The following SESTD1 variants were observed in gnomAD, a reference collection of about 807,000 sequenced individuals.
The protein encoded by SESTD1 is SEC14 domain and spectrin repeat-containing protein 1.
In SESTD1, 43 loss-of-function variants were observed where a neutral mutation model predicts 101.7. That is an observed-to-expected ratio of 0.42 (90% CI 0.33 to 0.55). The LOEUF is 0.55. Among genes scored for constraint, SESTD1 ranks in the 20% least tolerant of loss-of-function variants. SESTD1 has a pLI of 0.07. For missense variants in SESTD1, 647 were observed against 815.1 expected (o/e 0.79, Z 2.51); for synonymous variants, 283 against 286.8 (o/e 0.99, Z 0.13).
Position 179,216,231 on chromosome 2 carries a change from G to A in SESTD1, c.-25-24365C>T, listed in dbSNP as rs2046718090. Among the ~76,000 whole-genome samples the A allele has an allele frequency of 1.5e-5, 2 of 135,088 alleles. 1 individual carries two copies. The highest frequency in any genetic ancestry group is 1.4e-4 in the Admixed American group (2 of 13,948). 88.6% of individuals were successfully genotyped at this position (135,088 alleles called of 152,430 possible). A position where few individuals can be genotyped will look rare whatever the true frequency, so the allele number is the denominator to read the frequency against. On this transcript the variant is annotated intron_variant, in intron 1 of 17. Transcript: ENST00000428443. ...TGCAGATGACATGATTGTGTATTTAGAAAACCCCACTGTCTCAGCCCAAAA... is the reference window on the plus strand; with the variant it reads ...TGCAGATGACATGATTGTGTATTTAAAAAACCCCACTGTCTCAGCCCAAAA...
At chr2:179,140,589 A>C (rs1293574862) in intron 9 of SESTD1, among the ~76,000 whole-genome samples, 1 of 152,220 alleles carries the variant, frequency 6.6e-6, no homozygotes, top group Non-Finnish European at 1.5e-5. Context: ...CAGCCCTCGC[A>C]AAGCAATACA....
At chr2:179,181,777 T>C (rs2046116686) in intron 3 of SESTD1, among the ~76,000 whole-genome samples, 1 of 152,122 alleles carries the variant, frequency 6.6e-6, no homozygotes, top group Non-Finnish European at 1.5e-5. Flanking sequence ...ATTTGTAAGC[T>C]ATAAGTCTGG....
At chr2:179,135,729 G>A (rs1446845836) in intron 9 of SESTD1, among the ~76,000 whole-genome samples, 6 of 152,016 alleles carry the variant, frequency 3.9e-5, no homozygotes, top group Non-Finnish European at 8.8e-5. Flanking sequence ...CTCCAGCCTG[G>A]GTGACAGAGT....
At chr2:179,145,432 C>T (rs1336918692) in intron 8 of SESTD1, among the ~76,000 whole-genome samples, 1 of 151,918 alleles carries the variant, frequency 6.6e-6, no homozygotes, top group Non-Finnish European at 1.5e-5. Context: ...TTTCACAGGA[C>T]TGAAATGAGT....
chr2:179,181,990 T>C (rs1441007877), intron 3 of SESTD1, among the ~76,000 whole-genome samples: 1 of 53,234 alleles, frequency 1.9e-5, no homozygotes, highest in African/African-American at 7.9e-5. Flanking sequence ...TTCCACAATA[T>C]TAAAAAAAAA....
At chr2:179,256,831 C>G (rs1409919940) in intron 1 of SESTD1, among the ~76,000 whole-genome samples, 1 of 126,252 alleles carries the variant, frequency 7.9e-6, no homozygotes, top group African/African-American at 3.1e-5. Flanking sequence ...AAAAAAAAAA[C>G]TGACAGATGA....
At chr2:179,187,913 T>A (rs574892766) in intron 2 of SESTD1, among the ~76,000 whole-genome samples, 1 of 152,150 alleles carries the variant, frequency 6.6e-6, no homozygotes, top group African/African-American at 2.4e-5. Flanking sequence ...GCACCCAACA[T>A]TGAAGTACCC....
intron 4 of SESTD1, among the ~76,000 whole-genome samples, chr2:179,174,083 A>G (rs2045969048): frequency 2.0e-5 from 3 of 152,188 alleles, no homozygotes; most frequent in Admixed American, 1.3e-4. Flanking sequence ...TTAAGATAAA[A>G]TTGAGCTTTA....
intron 9 of SESTD1, among the ~76,000 whole-genome samples, chr2:179,141,905 G>A (rs868801259): frequency 3.9e-5 from 6 of 152,246 alleles, no homozygotes; most frequent in Middle Eastern, 3.4e-3. Context: ...TACAATTAAC[G>A]TATGCTCAGA....
At chr2:179,150,342 AG>A (rs2045491400) in intron 6 of SESTD1, among the ~76,000 whole-genome samples, 1 of 152,066 alleles carries the variant, frequency 6.6e-6, no homozygotes, top group African/African-American at 2.4e-5. Context: ...TTCTTTCAGT[AG>A]TTCAATAAAA....
chr2:179,116,589 A>G (rs1431561906), intron 15 of SESTD1, 79 bp downstream of exon 15: 1 of 1,601,942 alleles, frequency 6.2e-7, no homozygotes, highest in South Asian at 1.1e-5. Flanking sequence ...TGTACTTGGA[A>G]GGTAAAGTTA....
intron 1 of SESTD1, among the ~76,000 whole-genome samples, chr2:179,222,991 G>A (rs1489713879): frequency 1.3e-5 from 2 of 152,076 alleles, no homozygotes; most frequent in Non-Finnish European, 2.9e-5. Flanking sequence ...GTACACGAAT[G>A]TTCACAGCAG....
intron 1 of SESTD1, among the ~76,000 whole-genome samples, chr2:179,230,115 T>C (rs202107292): frequency 0.1 from 2,994 of 29,226 alleles, 23 homozygotes; most frequent in South Asian, 0.27. Context: ...TTGTATCTCT[T>C]TTTTTTTTTT....
At chr2:179,158,798 G>A (rs1194492411) in intron 5 of SESTD1, among the ~76,000 whole-genome samples, 1 of 152,152 alleles carries the variant, frequency 6.6e-6, no homozygotes, top group African/African-American at 2.4e-5. Flanking sequence ...CAGTAGCCCT[G>A]CCATGTAGAC....
chr2:179,246,049 G>A (rs1205884048), intron 1 of SESTD1, among the ~76,000 whole-genome samples: 1 of 152,110 alleles, frequency 6.6e-6, no homozygotes, highest in Admixed American at 6.5e-5. Flanking sequence ...AAGGTCAGGA[G>A]TTCGAGACCA....
chr2:179,212,166 T>C (rs1574039253), intron 1 of SESTD1, among the ~76,000 whole-genome samples: 1 of 133,534 alleles, frequency 7.5e-6, no homozygotes, highest in African/African-American at 3.0e-5. Flanking sequence ...GTGTAGCACA[T>C]GGAGGGCAAG....
At chr2:179,254,596 C>T (rs1306578227) in intron 1 of SESTD1, among the ~76,000 whole-genome samples, 1 of 152,240 alleles carries the variant, frequency 6.6e-6, no homozygotes, top group Non-Finnish European at 1.5e-5. Context: ...TCACAGTATC[C>T]TTTCCCACTA....
intron 9 of SESTD1, among the ~76,000 whole-genome samples, chr2:179,141,048 C>G (rs992651370): frequency 6.6e-6 from 1 of 152,176 alleles, no homozygotes. Context: ...AATTTTCAAT[C>G]ACATCAATGC....
Position 179,132,200 on chromosome 2 carries a change from C to T in SESTD1, c.972+104G>A. The T allele has an allele frequency of 1.5e-6, 2 of 1,330,592 alleles. 1 individual carries two copies. Among genetic ancestry groups the T allele is most frequent in the South Asian group, 4.1e-5 (2 of 49,268 alleles). The allele number at this position is 1,330,592 out of a possible 1,614,324, so 82.4% of individuals were successfully genotyped here. ...GGCACTTAACAAACTGTACTTCATG[C>T]CCCATACCAAAGTTTGCAGCAACTT... On this transcript the variant is annotated intron_variant, in intron 10 of 17. Coordinates refer to ENST00000428443, the MANE Select transcript of SESTD1 (RefSeq NM_178123.5).
Sources: gnomAD v4.1 joint callset for allele counts (sites outside exome capture counted in the v4.1 genomes callset) on GRCh38, gnomAD v4.1.1 for gene constraint, MANE v1.5 for transcripts, NCBI Gene and HGNC (gene_info 2026-07-23, HGNC 2026-07-21) for gene names.